The following NFRKB variants were observed in gnomAD, a reference collection of about 807,000 sequenced individuals.
NFRKB encodes nuclear factor related to kappaB binding protein, also known as nuclear factor related to kappa-B-binding protein.
In NFRKB, 62 loss-of-function variants were observed where a neutral mutation model predicts 135.7. The observed-to-expected ratio is 0.46, with a 90% CI of 0.37 to 0.56. The LOEUF is 0.56. NFRKB is among the 20% of genes least tolerant of loss of function. NFRKB has a pLI of 0.00. For missense variants in NFRKB, 1,545 were observed against 1,662.0 expected (o/e 0.93, Z 1.22); for synonymous variants, 678 against 635.6 (o/e 1.07, Z -1.00).
rs1054783 is a variant in NFRKB at position 129,863,863 on chromosome 11, G to A, written c.*862C>T. On this transcript the variant is annotated 3_prime_UTR_variant, in exon 27 of 27. Coordinates refer to ENST00000682444, the MANE Select transcript of NFRKB (RefSeq NM_001143835.2). ...GCAACTCTTGCTCTGGAGCAGAGCA[G>A]AAGGTATACTCTGAACTGCAACAAA... The A allele has an allele frequency of 6.6e-6, 1 of 152,310 alleles. No homozygotes were observed. The highest frequency in any genetic ancestry group is 2.4e-5 in the African/African-American group (1 of 41,454). 9.4% of individuals were successfully genotyped at this position (152,310 alleles called of 1,614,324 possible).
Position 129,885,539 on chromosome 11 carries a change from C to G in NFRKB, c.536G>C (p.Arg179Pro). 6.2e-7 allele frequency: 1 copy of G among 1,614,074 alleles called. No homozygotes were observed. The highest frequency in any genetic ancestry group is 8.5e-7 in the Non-Finnish European group (1 of 1,179,924). ...PFRQKRPSPS[R>P]TPEEREWRTQ... ...CCGCCACTCCCGCTCCTCAGGTGTG[C>G]GGGATGGTGAAGGGCGTTTCTGCCG... is the stretch of plus-strand genomic sequence containing the variant. The change falls in exon 6 of 27, where the codon CGC becomes CCC. Residue 179 changes from arginine (R) to proline (P), a missense_variant. Physicochemically the swap from Arg to Pro is moderately radical, Grantham distance 103 (BLOSUM62 -2). This residue lies in a region of NFRKB where 678 missense variants were observed against 646.7 expected (regional missense o/e 1.05). Coordinates refer to ENST00000682444, the MANE Select transcript of NFRKB (RefSeq NM_001143835.2).
At chr11:129,880,048 A>G (rs1948954865) in intron 13 of NFRKB, among the ~76,000 whole-genome samples, 2 of 152,068 alleles carry the variant, frequency 1.3e-5, no homozygotes, top group East Asian at 1.9e-4. Context: ...ACAGCCAGGC[A>G]TGGTTGCGTA....
At position 129,865,997 on chromosome 11, in the gene NFRKB, G is replaced by T; in HGVS notation, c.3532-14C>A. ...AGGCAACTTCCCCTAGAAAAAAAAA[G>T]CAGTCAGGTTTTGTAAGACAGGAGG... is the stretch of plus-strand genomic sequence containing the variant. On this transcript the variant is annotated splice_polypyrimidine_tract_variant and intron_variant, in intron 24 of 26. Coordinates refer to ENST00000682444, the MANE Select transcript of NFRKB (RefSeq NM_001143835.2). 1 of 1,575,546 alleles carries T rather than the reference G, an allele frequency of 6.3e-7. No individual in the cohort carries two copies. Among genetic ancestry groups the T allele is most frequent in the Non-Finnish European group, 8.6e-7 (1 of 1,161,532 alleles).
rs768334851 is a variant in NFRKB at position 129,874,594 on chromosome 11, G to A, written c.1979-14C>T. On this transcript the variant is annotated splice_polypyrimidine_tract_variant and intron_variant, in intron 19 of 26. Transcript: ENST00000682444. The surrounding 1 kb of genome is among the most constrained non-coding windows in gnomAD (Gnocchi z 4.5). ...GGTGAATCCGCTCTGTGAACAAGAGGGGCAAGCTTCAGCCAGAGTTTAACC... is the reference window on the plus strand; with the variant it reads ...GGTGAATCCGCTCTGTGAACAAGAGAGGCAAGCTTCAGCCAGAGTTTAACC... 6.2e-7 allele frequency: 1 copy of A among 1,613,334 alleles called. No homozygotes were observed. The highest frequency in any genetic ancestry group is 8.5e-7 in the Non-Finnish European group (1 of 1,179,786).
rs1949228884 is a variant in NFRKB, at chr11:129,885,453, G to C, written c.622C>G (p.Leu208Val). 7 of 1,612,170 alleles carry C rather than the reference G, an allele frequency of 4.3e-6. No homozygotes were observed. Among genetic ancestry groups the C allele is most frequent in the Non-Finnish European group, 5.9e-6 (7 of 1,178,470 alleles). Reference protein sequence around the residue: ...EVKEECGDTALSSDEEDLSSW... With the variant: ...EVKEECGDTAVSSDEEDLSSW... The stretch of plus-strand genomic sequence containing the variant: ...CACTCACCCTCTTCATCAGATGACA[G>C]GGCTGTGTCACCACACTCCTCTTTC... The change falls in exon 6 of 27, where the codon CTG (leucine) becomes GTG (valine). Residue 208 changes from leucine to valine, a missense_variant. Physicochemically the swap from Leu to Val is conservative, Grantham distance 32. Transcript: ENST00000682444.
At position 129,865,854 on chromosome 11, in the gene NFRKB, C is replaced by T. The variant is rs374900609; in HGVS notation, c.3638+23G>A. The T allele has an allele frequency of 7.3e-4, 1,182 of 1,612,118 alleles. 3 individuals carry two copies. The highest frequency in any genetic ancestry group is 9.7e-4 in the Admixed American group (58 of 60,012). On this transcript the variant is annotated intron_variant, in intron 25 of 26. Coordinates refer to ENST00000682444, the MANE Select transcript of NFRKB (RefSeq NM_001143835.2). ...GCCACCTCCACCCCCGAATTGGTTC[C>T]TTTACCATGACATAGTACTTACTTG...
In NFRKB at chr11:129,881,452, T is replaced by C; in HGVS notation, c.1375A>G (p.Lys459Glu). 6.2e-7 allele frequency: 1 copy of C among 1,614,098 alleles called. No individual in the cohort carries two copies. Among genetic ancestry groups the C allele is most frequent in the Non-Finnish European group, 8.5e-7 (1 of 1,179,982 alleles). Residue 459 changes from lysine (K) to glutamate (E), a missense_variant, in exon 13 of 27, where the codon AAG becomes GAG. Lys to Glu is a moderately conservative substitution (Grantham distance 56). Transcript: ENST00000682444. ...VEFKEKTQQW[K>E]LLGQSQDNEK... ...AATACGGATCACTTACCAAGCAACT[T>C]CCACTGCTGGGTTTTCTCTTTGAAT...
Position 129,874,117 on chromosome 11 carries a change from A to G in NFRKB, c.2275T>C (p.Ser759Pro). 6.5e-7 allele frequency: 1 copy of G among 1,543,388 alleles called. No individual in the cohort carries two copies. The highest frequency in any genetic ancestry group is 8.7e-7 in the Non-Finnish European group (1 of 1,145,010). The part of the protein sequence containing the change: ...STVSEPAKSS[S>P]GVLLVSSPTM... ...TGAAGAAAAGGAGGAACTTACCCCG[A>G]GCTAGACTTAGCTGGTTCTGAGACT... Residue 759 changes from serine to proline, a missense_variant, in exon 21 of 27, where the codon TCG becomes CCG. By Grantham distance (74) the Ser-to-Pro change is moderately conservative (BLOSUM62 -1). Transcript: ENST00000682444. This position sits in a 1 kb window ranked among gnomAD's most constrained non-coding sequence, Gnocchi z 4.5.
At chr11:129,867,137 C>G (rs1948231796) in intron 24 of NFRKB, among the ~76,000 whole-genome samples, 1 of 152,102 alleles carries the variant, frequency 6.6e-6, no homozygotes. Context: ...AAGTAAGCAC[C>G]ATCAATACTT....
In NFRKB at chr11:129,864,478, T is replaced by C. The variant is rs546931927; in HGVS notation, c.*247A>G. ...GACGTAACTGGTAATTCCTGCAATT[T>C]CAACAGAATATTCTCCTAGATTGGT... On this transcript the variant is annotated 3_prime_UTR_variant, in exon 27 of 27. Coordinates refer to ENST00000682444, the MANE Select transcript of NFRKB (RefSeq NM_001143835.2). 1.1e-4 allele frequency: 51 copies of C among 451,866 alleles called. 1 individual carries two copies. In the South Asian group the frequency reaches 1.5e-3, roughly 14 times the overall value. 28.0% of individuals were successfully genotyped at this position (451,866 alleles called of 1,614,324 possible). A position where few individuals can be genotyped will look rare whatever the true frequency, so the allele number is the denominator to read the frequency against.
At chr11:129,888,969 AT>A (rs1949408218) in intron 3 of NFRKB, among the ~76,000 whole-genome samples, 174 bp from the exon 4 acceptor site, 1 of 150,590 alleles carries the variant, frequency 6.6e-6, no homozygotes, top group Non-Finnish European at 1.5e-5. Context: ...ATCACTACTA[AT>A]TTTTTACATT....
At chr11:129,894,631 C>T (rs1783919) in intron 1 of NFRKB, among the ~76,000 whole-genome samples, 193 bp from the exon 2 acceptor site, 121,264 of 152,252 alleles carry the variant, frequency 0.8, 48,621 homozygotes, top group African/African-American at 0.88. Context: ...GAAACTTAAG[C>T]GTTGAGTCAA....
Position 129,883,176 on chromosome 11 carries a change from T to C in NFRKB, c.847A>G (p.Thr283Ala), listed in dbSNP as rs549055601. The C allele has an allele frequency of 1.2e-6, 2 of 1,613,970 alleles. No homozygotes were observed. Among genetic ancestry groups the C allele is most frequent in the Admixed American group, 3.3e-5 (2 of 59,984 alleles). ...ACTCGAGTCATGATGTCATTGAGAG[T>C]CAGGTCCCCTGTCAAAAGGTCCGGG... ...DHPDLLTGDL[T>A]LNDIMTRVNA... The change falls in exon 9 of 27, where the codon ACT becomes GCT. Residue 283 changes from threonine (T) to alanine (A), a missense_variant. Transcript: ENST00000682444.
At chr11:129,866,076 A>G in intron 24 of NFRKB, 93 bp from the exon 25 acceptor site, 3 of 1,058,348 alleles carry the variant, frequency 2.8e-6, no homozygotes, top group Non-Finnish European at 4.0e-6. Flanking sequence ...AGAAGCAAGC[A>G]CTACAGATGC....
chr11:129,870,166 C>T lies in NFRKB; in HGVS notation c.2859G>A (p.Leu953=). Residue 953 remains leucine, a synonymous_variant, in exon 24 of 27, where the codon TTG becomes TTA. Coordinates refer to ENST00000682444, the MANE Select transcript of NFRKB (RefSeq NM_001143835.2). ...TNFRIQGKDV[L]RLPPSSITTD... ...TGGTGATGGAAGAGGGCGGCAGACG[C>T]AATACATCCTTACCCTGGATGCGGA... 6.2e-7 allele frequency: 1 copy of T among 1,614,194 alleles called. No homozygotes were observed. The highest frequency in any genetic ancestry group is 2.2e-5 in the East Asian group (1 of 44,876).
chr11:129,891,051 T>C (rs1949538181), intron 3 of NFRKB, among the ~76,000 whole-genome samples: 1 of 152,178 alleles, frequency 6.6e-6, no homozygotes, highest in African/African-American at 2.4e-5. Flanking sequence ...TGGTAGAAAA[T>C]AGATCCAGGC....
chr11:129,883,012 GTTA>G lies in NFRKB; in HGVS notation c.901+107_901+109del, dbSNP rs372277068. On this transcript the variant is annotated intron_variant, in intron 9 of 26. Transcript: ENST00000682444. ...TAGCCTGTAAGAGGTAATAATAAAG[GTTA>G]CCAGCATGAGAGAGGCCATGGTTTC... The G allele has an allele frequency of 2.5e-4, 235 of 940,264 alleles. 2 individuals are homozygous for G. In the South Asian group the frequency reaches 3.5e-3, roughly 14 times the overall value. 58.2% of individuals were successfully genotyped at this position (940,264 alleles called of 1,614,324 possible). A position where few individuals can be genotyped will look rare whatever the true frequency, so the allele number is the denominator to read the frequency against.
At chr11:129,882,782 T>A in intron 9 of NFRKB, 151 bp from the exon 10 acceptor site, 1 of 832,960 alleles carries the variant, frequency 1.2e-6, no homozygotes, top group Non-Finnish European at 1.9e-6. Context: ...ATTGAGTGAT[T>A]TATAGCTTTA....
intron 24 of NFRKB, among the ~76,000 whole-genome samples, chr11:129,868,069 G>A (rs967382061): frequency 6.6e-6 from 1 of 151,676 alleles, no homozygotes; most frequent in Non-Finnish European, 1.5e-5. Context: ...ACACAGACAC[G>A]AAACCTAGAA....
Sources: allele counts gnomAD v4.1 joint callset (sites outside exome capture counted in the v4.1 genomes callset), GRCh38; gene constraint gnomAD v4.1.1; regional missense constraint gnomAD v4.1.1; non-coding constraint Gnocchi (gnomAD v3.1); transcripts MANE v1.5; gene names NCBI Gene and HGNC (gene_info 2026-07-23, HGNC 2026-07-21).